XAB2: variants seen among roughly 807,000 people sequenced by gnomAD.
XAB2 encodes XPA binding protein 2.
XAB2 carries 57 observed loss-of-function variants against 113.4 expected under a neutral mutation model. The ratio of observed to expected loss-of-function variants is 0.50; its 90% CI spans 0.41 to 0.63. The LOEUF (loss-of-function observed/expected upper bound fraction) is 0.63, where lower values mean the gene tolerates loss of function less well. XAB2 is among the 20% of genes least tolerant of loss of function. The pLI is 0.00. For missense variants in XAB2, 1,037 were observed against 1,233.3 expected, an observed-to-expected ratio of 0.84 and a Z score of 2.38; for synonymous variants, 497 against 498.8, an observed-to-expected ratio of 1.00 and a Z score of 0.05.
At position 7,623,018 on chromosome 19, in the gene XAB2, A is replaced by C; in HGVS notation, c.1240-125T>G. ...CAAACACACAGGCACACACACAGGC[A>C]CACACATGCGTGCACATATGCATGC... On this transcript the variant is annotated intron_variant, in intron 9 of 18. Coordinates refer to ENST00000358368, the MANE Select transcript of XAB2 (RefSeq NM_020196.3). The surrounding 1 kb of genome is among the most constrained non-coding windows in gnomAD (Gnocchi z 4.6). 6.5e-7 allele frequency: 1 copy of C among 1,540,974 alleles called. No homozygotes were observed. Among genetic ancestry groups the C allele is most frequent in the South Asian group, 1.2e-5 (1 of 83,142 alleles).
Position 7,625,759 on chromosome 19 carries a change from G to A in XAB2, c.822+121C>T. The A allele has an allele frequency of 7.3e-7, 1 of 1,367,858 alleles. No individual in the cohort carries two copies. 84.7% of individuals were successfully genotyped at this position (1,367,858 alleles called of 1,614,324 possible). ...CTCCCAAAGTGCTGGGATGACAGGT[G>A]TGAGCCACCACACCCAGCCATAAAT... On this transcript the variant is annotated intron_variant, in intron 6 of 18. Coordinates refer to ENST00000358368, the MANE Select transcript of XAB2 (RefSeq NM_020196.3). This position sits in a 1 kb window ranked among gnomAD's most constrained non-coding sequence, Gnocchi z 5.2.
Position 7,627,890 on chromosome 19 carries a change from T to G in XAB2, c.201-39A>C. Reference sequence around the variant, plus strand: ...GGGGACAGATGCTGATCGGTCAGCTTTATGGACACCCCCAGAACCATTTGC... The same window carrying G: ...GGGGACAGATGCTGATCGGTCAGCTGTATGGACACCCCCAGAACCATTTGC... On this transcript the variant is annotated intron_variant, in intron 2 of 18. Coordinates refer to ENST00000358368, the MANE Select transcript of XAB2 (RefSeq NM_020196.3). The surrounding 1 kb of genome is among the most constrained non-coding windows in gnomAD (Gnocchi z 4.5). The G allele has an allele frequency of 6.3e-7, 1 of 1,597,942 alleles. No individual in the cohort carries two copies. The highest frequency in any genetic ancestry group is 8.6e-7 in the Non-Finnish European group (1 of 1,167,890).
At chr19:7,621,337 T>C (rs766942768) in intron 12 of XAB2, 40 bp from the exon 13 acceptor site, 5 of 1,602,980 alleles carry the variant, frequency 3.1e-6, no homozygotes, top group South Asian at 1.1e-5. Context: ...AGTCTGCAGA[T>C]AGAGACCACC....
At position 7,624,329 on chromosome 19, in the gene XAB2, G is replaced by A. The variant is rs752002230; in HGVS notation, c.939C>T (p.Thr313=). The change falls in exon 7 of 19, where the codon ACC becomes ACT. Residue 313 remains threonine, a synonymous_variant. Coordinates refer to ENST00000358368, the MANE Select transcript of XAB2 (RefSeq NM_020196.3). The surrounding 1 kb of genome is among the most constrained non-coding windows in gnomAD (Gnocchi z 4.2). ...EESMIAAKME[T]ASELGREEED... The stretch of plus-strand genomic sequence containing the variant: ...CCTCCTCGCGCCCCAGCTCCGAGGC[G>A]GTCTCCATCTTTGCAGCGATCATGC... 39 of 1,613,870 alleles carry A rather than the reference G, an allele frequency of 2.4e-5. No homozygotes were observed. The highest frequency in any genetic ancestry group is 3.1e-5 in the Non-Finnish European group (36 of 1,180,026).
chr19:7,628,313 G>C lies in XAB2; in HGVS notation c.52-15C>G, dbSNP rs760973851. 6.2e-7 allele frequency: 1 copy of C among 1,613,706 alleles called. No individual in the cohort carries two copies. The highest frequency in any genetic ancestry group is 8.5e-7 in the Non-Finnish European group (1 of 1,179,970). Reference sequence around the variant, plus strand: ...TCCTCTTCCTCCTGCCAGGGCCAGGGAATGGGAAGAAGAGAGGCCTACCCT... The same window carrying C: ...TCCTCTTCCTCCTGCCAGGGCCAGGCAATGGGAAGAAGAGAGGCCTACCCT... On this transcript the variant is annotated splice_polypyrimidine_tract_variant and intron_variant, in intron 1 of 18. Transcript: ENST00000358368. This position sits in a 1 kb window ranked among gnomAD's most constrained non-coding sequence, Gnocchi z 4.6.
rs746259500 is a variant in XAB2, at chr19:7,620,549, G to A, written c.2092C>T (p.Arg698Trp). The A allele has an allele frequency of 6.2e-6, 10 of 1,613,170 alleles. No individual in the cohort carries two copies. Among genetic ancestry groups the A allele is most frequent in the East Asian group, 2.2e-5 (1 of 44,882 alleles). ...CCCGTCCCTCCCCACAGCCCTACCC[G>A]GGGGTCACAGATCTGGGAGCAGAAG... is the stretch of plus-strand genomic sequence containing the variant. ...YSFCSQICDP[R>W]TTGAFWQTWK... The change falls in exon 15 of 19, where the codon CGG becomes TGG. Residue 698 changes from arginine to tryptophan, a missense_variant and splice_region_variant. Physicochemically the swap from Arg to Trp is moderately radical, Grantham distance 101. Transcript: ENST00000358368.
Position 7,624,595 on chromosome 19 carries a change from C to A in XAB2, c.823-150G>T. 1 of 1,243,946 alleles carries A rather than the reference C, an allele frequency of 8.0e-7. No homozygotes were observed. The highest frequency in any genetic ancestry group is 1.1e-6 in the Non-Finnish European group (1 of 899,956). The allele number at this position is 1,243,946 out of a possible 1,614,324, so 77.1% of individuals were successfully genotyped here. On this transcript the variant is annotated intron_variant, in intron 6 of 18. Coordinates refer to ENST00000358368, the MANE Select transcript of XAB2 (RefSeq NM_020196.3). This position sits in a 1 kb window ranked among gnomAD's most constrained non-coding sequence, Gnocchi z 4.2. Reference sequence around the variant, plus strand: ...TCTGGGTAGTGACCCCAGGACAGAGCCTCCGTGGAGCCTTCTCACCCCCGC... The same window carrying A: ...TCTGGGTAGTGACCCCAGGACAGAGACTCCGTGGAGCCTTCTCACCCCCGC...
chr19:7,629,447 A>G (rs777619587), intron 1 of XAB2, 30 bp downstream of exon 1: 1 of 1,579,040 alleles, frequency 6.3e-7, no homozygotes, highest in South Asian at 1.2e-5. Context: ...GCCCCAACGC[A>G]GGCCACCCCC....
rs1458688631 is a variant in XAB2, at chr19:7,622,656, G to A, written c.1377C>T (p.Ala459=). Residue 459 remains alanine (A), a synonymous_variant, in exon 11 of 19, where the codon GCC becomes GCT. Transcript: ENST00000358368. ...YDEALRLLRK[A]TALPARRAEY... is the part of the protein sequence containing the mutation. ...CGGCCCGGCGGGCAGGCAGCGCCGT[G>A]GCCTTCTGCAGGGGCAGACAGTGGC... 1.2e-6 allele frequency: 2 copies of A among 1,611,720 alleles called. No homozygotes were observed. The highest frequency in any genetic ancestry group is 1.7e-6 in the Non-Finnish European group (2 of 1,179,946).
rs775575789 is a variant in XAB2 at position 7,626,284 on chromosome 19, C to T, written c.523-14G>A. ...CTCAGGACTCAGCTGGGGACCGAGC[C>T]ACCCCTCAGGCAGTCAGTGGGGTGG... On this transcript the variant is annotated splice_polypyrimidine_tract_variant and intron_variant, in intron 4 of 18. Coordinates refer to ENST00000358368, the MANE Select transcript of XAB2 (RefSeq NM_020196.3). The T allele has an allele frequency of 1.9e-6, 3 of 1,604,004 alleles. No individual in the cohort carries two copies. The highest frequency in any genetic ancestry group is 2.2e-5 in the East Asian group (1 of 44,778).
chr19:7,621,998 C>T (rs1047350463), intron 12 of XAB2: 2 of 251,288 alleles, frequency 8.0e-6, no homozygotes, highest in Non-Finnish European at 1.6e-5. Flanking sequence ...AAACTGAGGT[C>T]GTTAGGGGCC....
chr19:7,622,080 C>T (rs1240358642), intron 12 of XAB2: 4 of 444,746 alleles, frequency 9.0e-6, no homozygotes, highest in Middle Eastern at 6.2e-4. Context: ...AAAGAGAAGG[C>T]CACACAAAGA....
At position 7,622,373 on chromosome 19, in the gene XAB2, G is replaced by A. The variant is rs774820099; in HGVS notation, c.1575C>T (p.Ala525=). The A allele has an allele frequency of 6.2e-7, 1 of 1,614,174 alleles. No homozygotes were observed. ...IATPQIVINY[A]MFLEEHKYFE... ...AGTACTTGTGCTCCTCCAGGAACATGGCATAGTTGATGACGATCTGGGGTG... is the reference window on the plus strand; with the variant it reads ...AGTACTTGTGCTCCTCCAGGAACATAGCATAGTTGATGACGATCTGGGGTG... Residue 525 remains alanine, a synonymous_variant, in exon 12 of 19, where the codon GCC becomes GCT. Coordinates refer to ENST00000358368, the MANE Select transcript of XAB2 (RefSeq NM_020196.3).
intron 12 of XAB2, chr19:7,621,530 C>T (rs1435736757): frequency 3.0e-5 from 16 of 541,044 alleles, no homozygotes; most frequent in Non-Finnish European, 4.6e-5. Flanking sequence ...CACAGTCTGG[C>T]CCCATAGGAG....
In XAB2 at chr19:7,628,101, A is replaced by G. The variant is rs1487680196; in HGVS notation, c.200+49T>C. The G allele has an allele frequency of 2.5e-6, 4 of 1,583,930 alleles. No individual in the cohort carries two copies. Among genetic ancestry groups the G allele is most frequent in the East Asian group, 2.3e-5 (1 of 43,762 alleles). ...CACTTGGCAGTTTTGTTATAACTGG[A>G]CCAGGTGGGGTGGGGGCTGGTGGGC... On this transcript the variant is annotated intron_variant, in intron 2 of 18. Transcript: ENST00000358368. This position sits in a 1 kb window ranked among gnomAD's most constrained non-coding sequence, Gnocchi z 4.6.
In XAB2 at chr19:7,627,865, G is replaced by C; in HGVS notation, c.201-14C>G. ...CAGAGTTTGTAGCTGGGGAATAGGA[G>C]GGGACAGATGCTGATCGGTCAGCTT... On this transcript the variant is annotated splice_polypyrimidine_tract_variant and intron_variant, in intron 2 of 18. Transcript: ENST00000358368. This position sits in a 1 kb window ranked among gnomAD's most constrained non-coding sequence, Gnocchi z 4.5. The C allele has an allele frequency of 6.2e-7, 1 of 1,610,132 alleles. No individual in the cohort carries two copies. Among genetic ancestry groups the C allele is most frequent in the Non-Finnish European group, 8.5e-7 (1 of 1,176,702 alleles).
intron 12 of XAB2, 97 bp from the exon 13 acceptor site, chr19:7,621,394 G>A: frequency 6.9e-7 from 1 of 1,441,148 alleles, no homozygotes; most frequent in East Asian, 2.3e-5. Flanking sequence ...AGCCTGCCAG[G>A]AACTCCCTTG....
In XAB2 at chr19:7,624,669, G is replaced by A. The variant is rs1334545412; in HGVS notation, c.823-224C>T. Among the ~76,000 whole-genome samples, 2 of 152,162 alleles carry A rather than the reference G, an allele frequency of 1.3e-5. No homozygotes were observed. The highest frequency in any genetic ancestry group is 6.5e-5 in the Admixed American group (1 of 15,274). ...TCTTGGGAGCTTCAGGACCTCCTCA[G>A]TAAACTGGGTGACTGCCCTTTGCAC... is the stretch of plus-strand genomic sequence containing the variant. On this transcript the variant is annotated intron_variant, in intron 6 of 18. Transcript: ENST00000358368. This position sits in a 1 kb window ranked among gnomAD's most constrained non-coding sequence, Gnocchi z 4.2.
chr19:7,627,448 T>C lies in XAB2; in HGVS notation c.325-8A>G. ...TAGCCACAGACGAGGCATCTGGGGGTGTGGGGAGAGGCGGCTGGGGCTAAG... is the reference window on the plus strand; with the variant it reads ...TAGCCACAGACGAGGCATCTGGGGGCGTGGGGAGAGGCGGCTGGGGCTAAG... On this transcript the variant is annotated splice_polypyrimidine_tract_variant and splice_region_variant and intron_variant, in intron 3 of 18. Transcript: ENST00000358368. This position sits in a 1 kb window ranked among gnomAD's most constrained non-coding sequence, Gnocchi z 4.5. 2 of 1,600,258 alleles carry C rather than the reference T, an allele frequency of 1.2e-6. No individual in the cohort carries two copies. The highest frequency in any genetic ancestry group is 1.7e-6 in the Non-Finnish European group (2 of 1,174,982).
Sources: allele counts gnomAD v4.1 joint callset (sites outside exome capture counted in the v4.1 genomes callset), GRCh38; gene constraint gnomAD v4.1.1; non-coding constraint Gnocchi (gnomAD v3.1); transcripts MANE v1.5; gene names NCBI Gene and HGNC (gene_info 2026-07-23, HGNC 2026-07-21).